Variants in ZC3H12B observed in about 807,000 individuals in gnomAD.
ZC3H12B encodes the protein zinc finger CCCH-type containing 12B, also known as probable ribonuclease ZC3H12B.
In ZC3H12B, 7 loss-of-function variants were observed where a neutral mutation model predicts 43.9. The observed-to-expected ratio is 0.16, with a 90% confidence interval of 0.09 to 0.30. The LOEUF (loss-of-function observed/expected upper bound fraction) is 0.30, where lower values mean the gene tolerates loss of function less well. ZC3H12B is among the 10% of genes least tolerant of loss of function. The pLI, the probability that ZC3H12B is intolerant of heterozygous loss-of-function variation, is 1.00. For synonymous variants in ZC3H12B, 222 were observed against 241.7 expected (o/e 0.92, Z 0.76); for missense variants, 475 against 670.2 (o/e 0.71, Z 3.22).
At chrX:65,069,396 C>A in the ZC3H12B span, among the ~76,000 whole-genome samples, 1 of 108,872 alleles carries the variant, frequency 9.2e-6, no homozygotes, top group African/African-American at 3.4e-5. Flanking sequence ...TTCTTCTAAT[C>A]ACTAATCCTT....
chrX:65,205,180 T>C, the ZC3H12B span, among the ~76,000 whole-genome samples: 3 of 111,693 alleles, frequency 2.7e-5, no homozygotes, highest in Admixed American at 9.6e-5. Context: ...GTATTTTGAC[T>C]TTTTTTTGTT....
intron 2 of ZC3H12B, 101 bp downstream of exon 7, chrX:65,497,372 A>G (rs1387867506): frequency 2.6e-6 from 2 of 781,723 alleles, no homozygotes; most frequent in African/African-American, 2.1e-5. Flanking sequence ...AAAGTTGTTA[A>G]GTATATTTAA....
At chrX:65,360,631 A>C in the ZC3H12B span, among the ~76,000 whole-genome samples, 2 of 112,530 alleles carry the variant, frequency 1.8e-5, no homozygotes, top group African/African-American at 6.4e-5. Context: ...TTTGGAAAAC[A>C]GTTTGGCAGC....
the ZC3H12B span, among the ~76,000 whole-genome samples, chrX:65,230,242 G>A: frequency 9.0e-6 from 1 of 110,815 alleles, no homozygotes; most frequent in Non-Finnish European, 1.9e-5. Flanking sequence ...GTAGGGACAT[G>A]GATGAAATTG....
chrX:65,163,783 T>C, the ZC3H12B span, among the ~76,000 whole-genome samples: 2 of 111,367 alleles, frequency 1.8e-5, no homozygotes, highest in Admixed American at 9.6e-5. Flanking sequence ...CTCACTCTCC[T>C]GCACCCACTG....
the ZC3H12B span, among the ~76,000 whole-genome samples, chrX:65,199,641 A>G: frequency 9.0e-6 from 1 of 110,537 alleles, no homozygotes; most frequent in African/African-American, 3.3e-5. Context: ...GTTCTCCACT[A>G]TGTGTCCATG....
the ZC3H12B span, among the ~76,000 whole-genome samples, chrX:65,244,727 C>CAAAAAAAAAAAAAAAAAAA: frequency 4.9e-5 from 1 of 20,393 alleles, no homozygotes; most frequent in Non-Finnish European, 8.3e-5. Flanking sequence ...AATACCTTGC[C>CAAAAAAAAAAAAAAAAAAA]AAAAAAAAAA....
the ZC3H12B span, among the ~76,000 whole-genome samples, chrX:65,115,684 G>A: frequency 2.7e-4 from 30 of 111,289 alleles, no homozygotes; most frequent in Non-Finnish European, 1.5e-4. Flanking sequence ...CAGTATAAAA[G>A]CCTTCCCTTT....
chrX:65,237,990 T>C, the ZC3H12B span, among the ~76,000 whole-genome samples: 34 of 111,872 alleles, frequency 3.0e-4, no homozygotes, highest in African/African-American at 1.1e-3. Context: ...GATTTTTGCA[T>C]TGATGTTTAT....
the ZC3H12B span, among the ~76,000 whole-genome samples, chrX:65,109,462 T>C: frequency 8.9e-6 from 1 of 111,990 alleles, no homozygotes; most frequent in East Asian, 2.8e-4. Flanking sequence ...TGTGGTCTTT[T>C]GTGACTAGTT....
At chrX:65,251,661 T>A in the ZC3H12B span, among the ~76,000 whole-genome samples, 1 of 111,867 alleles carries the variant, frequency 8.9e-6, no homozygotes, top group Non-Finnish European at 1.9e-5. Flanking sequence ...TCACATCCCT[T>A]GTAAGTTGGA....
At chrX:65,100,566 C>CAAAAAAAAAAAAAAAAAAAAAAAA in the ZC3H12B span, among the ~76,000 whole-genome samples, 9 of 4,531 alleles carry the variant, frequency 2.0e-3, 4 homozygotes, top group African/African-American at 5.9e-3. Flanking sequence ...AAAGATAAAG[C>CAAAAAAAAAAAAAAAAAAAAAAAA]AAAAAAAAAA....
At chrX:65,067,652 GC>G in the ZC3H12B span, among the ~76,000 whole-genome samples, 1 of 111,202 alleles carries the variant, frequency 9.0e-6, no homozygotes, top group Non-Finnish European at 1.9e-5. Context: ...TCTTAGTCTG[GC>G]TAAAGGTTTT....
the ZC3H12B span, among the ~76,000 whole-genome samples, chrX:65,128,516 A>C: frequency 8.9e-6 from 1 of 111,903 alleles, no homozygotes. Context: ...GTGCATTGAA[A>C]GAATGTGTAT....
At chrX:65,195,868 T>C in the ZC3H12B span, among the ~76,000 whole-genome samples, 6 of 112,570 alleles carry the variant, frequency 5.3e-5, no homozygotes, top group African/African-American at 1.9e-4. Flanking sequence ...CAAATGCTGT[T>C]TGCTTTAGGC....
the ZC3H12B span, among the ~76,000 whole-genome samples, chrX:65,310,909 T>G: frequency 8.9e-6 from 1 of 112,208 alleles, no homozygotes; most frequent in Non-Finnish European, 1.9e-5. Flanking sequence ...GATTCCCTAT[T>G]TAATAAATGA....
intron 3 of ZC3H12B, among the ~76,000 whole-genome samples, chrX:65,439,941 T>C (rs2067280047): frequency 9.0e-6 from 1 of 110,941 alleles, no homozygotes; most frequent in South Asian, 4.0e-4. Context: ...GTCTTGGTGG[T>C]ATCCAAATCG....
At chrX:65,172,370 C>G in the ZC3H12B span, among the ~76,000 whole-genome samples, 1 of 111,153 alleles carries the variant, frequency 9.0e-6, no homozygotes, top group Non-Finnish European at 1.9e-5. Context: ...TTTTTCCATT[C>G]TATATGTTGC....
the ZC3H12B span, among the ~76,000 whole-genome samples, chrX:65,323,578 T>C: frequency 8.9e-6 from 1 of 112,590 alleles, no homozygotes; most frequent in Non-Finnish European, 1.9e-5. Context: ...CACATTTTCA[T>C]TATCCAGTCT....
Sources: allele counts gnomAD v4.1 joint callset (sites outside exome capture counted in the v4.1 genomes callset), GRCh38; gene constraint gnomAD v4.1.1; transcripts MANE v1.5; gene names NCBI Gene and HGNC (gene_info 2026-07-23, HGNC 2026-07-21).